The following SLC10A7 variants were observed in gnomAD, a reference collection of about 807,000 sequenced individuals.
The protein encoded by SLC10A7 is sodium/bile acid cotransporter 7.
SLC10A7 carries 29 observed loss-of-function variants against 43.2 expected under a neutral mutation model. That is an observed-to-expected ratio of 0.67 (90% CI 0.50 to 0.92). The LOEUF is 0.92. SLC10A7 is among the 40% of genes least tolerant of loss of function. The pLI, the probability that SLC10A7 is intolerant of heterozygous loss-of-function variation, is 0.00. For synonymous variants in SLC10A7, 152 were observed against 144.8 expected, an observed-to-expected ratio of 1.05 and a Z score of -0.35; for missense variants, 295 against 403.2, an observed-to-expected ratio of 0.73 and a Z score of 2.30.
intron 5 of SLC10A7, among the ~76,000 whole-genome samples, chr4:146,390,562 G>A (rs1279882219): frequency 6.6e-6 from 1 of 152,138 alleles, no homozygotes; most frequent in Non-Finnish European, 1.5e-5. Context: ...CCTTGGGCCA[G>A]CAGGTCAAGA....
At chr4:146,391,355 AAG>A (rs1738413764) in intron 5 of SLC10A7, among the ~76,000 whole-genome samples, 1 of 152,222 alleles carries the variant, frequency 6.6e-6, no homozygotes, top group Non-Finnish European at 1.5e-5. Context: ...TGTCTCTAAA[AAG>A]AGCAGTCTGA....
intron 8 of SLC10A7, 43 bp from the exon 9 acceptor site, chr4:146,293,023 A>T (rs748508836): frequency 3.1e-6 from 4 of 1,283,106 alleles, no homozygotes; most frequent in Non-Finnish European, 4.4e-6. Flanking sequence ...CTCTAAAAGC[A>T]GTATTTGTAG....
At chr4:146,357,994 A>T (rs1467025895) in intron 5 of SLC10A7, among the ~76,000 whole-genome samples, 1 of 151,842 alleles carries the variant, frequency 6.6e-6, no homozygotes, top group Non-Finnish European at 1.5e-5. Context: ...TTCTTAGAGG[A>T]TCATTGTTCA....
chr4:146,498,799 T>C (rs954750439), intron 4 of SLC10A7, among the ~76,000 whole-genome samples: 1 of 152,202 alleles, frequency 6.6e-6, no homozygotes, highest in Non-Finnish European at 1.5e-5. Context: ...ACTGAAACAA[T>C]AATAACCTAA....
chr4:146,472,845 G>A (rs930028304), intron 4 of SLC10A7, among the ~76,000 whole-genome samples: 4 of 152,136 alleles, frequency 2.6e-5, no homozygotes, highest in Non-Finnish European at 4.4e-5. Context: ...CGTTTCCAGA[G>A]GATTGACTTA....
At chr4:146,383,404 G>T (rs894190247) in intron 5 of SLC10A7, among the ~76,000 whole-genome samples, 1 of 152,102 alleles carries the variant, frequency 6.6e-6, no homozygotes. Flanking sequence ...TTTGTACAGG[G>T]TGTACACCGA....
At chr4:146,292,722 G>A (rs1730521674) in intron 9 of SLC10A7, among the ~76,000 whole-genome samples, 1 of 152,154 alleles carries the variant, frequency 6.6e-6, no homozygotes, top group African/African-American at 2.4e-5. Flanking sequence ...CACTCAATGT[G>A]GATAGACAAG....
At chr4:146,500,372 C>G (rs1302269782) in intron 4 of SLC10A7, among the ~76,000 whole-genome samples, 10 of 152,024 alleles carry the variant, frequency 6.6e-5, no homozygotes, top group Admixed American at 6.6e-4. Context: ...TACTACCTAC[C>G]TCATCATCAC....
At chr4:146,293,001 T>C in intron 8 of SLC10A7, 21 bp from the exon 9 acceptor site, 3 of 1,488,772 alleles carry the variant, frequency 2.0e-6, no homozygotes, top group Non-Finnish European at 1.9e-6. Context: ...AAAGATTGAA[T>C]CTAAATTAGC....
At chr4:146,397,109 T>C (rs1052700860) in intron 5 of SLC10A7, among the ~76,000 whole-genome samples, 2 of 152,176 alleles carry the variant, frequency 1.3e-5, no homozygotes, top group Non-Finnish European at 2.9e-5. Context: ...CTAAGTGGAA[T>C]TTCTATTCAA....
Position 146,507,417 on chromosome 4 carries a change from G to T in SLC10A7, c.320+2496C>A, listed in dbSNP as rs181329338. 4.5e-3 allele frequency among the ~76,000 whole-genome samples: 688 copies of T among 152,046 alleles called. 6 individuals carry two copies. The highest frequency in any genetic ancestry group is 7.2e-3 in the Admixed American group (110 of 15,260). The stretch of plus-strand genomic sequence containing the variant: ...TCTACTAAAAATACAAAAATTAGCC[G>T]GGCATGGTGGCGGGCACCTGTAATC... On this transcript the variant is annotated intron_variant, in intron 3 of 11. Coordinates refer to ENST00000335472, the MANE Select transcript of SLC10A7 (RefSeq NM_001029998.6).
intron 10 of SLC10A7, among the ~76,000 whole-genome samples, chr4:146,261,617 G>C (rs1220546459): frequency 6.6e-6 from 1 of 152,056 alleles, no homozygotes; most frequent in African/African-American, 2.4e-5. Context: ...AAAAAGAGAA[G>C]GGATCCACGA....
chr4:146,343,143 T>C (rs1051084024), intron 5 of SLC10A7, among the ~76,000 whole-genome samples: 23 of 152,068 alleles, frequency 1.5e-4, no homozygotes, highest in African/African-American at 5.3e-4. Flanking sequence ...TGAATAATTA[T>C]ACATCCTTGT....
At chr4:146,442,486 C>T (rs752458771) in intron 5 of SLC10A7, 275 of 1,138,890 alleles carry the variant, frequency 2.4e-4, no homozygotes, top group Non-Finnish European at 2.8e-4. Context: ...TAAAAGACCT[C>T]ATTAAATGAT....
chr4:146,309,559 C>G (rs1215775047), intron 6 of SLC10A7, among the ~76,000 whole-genome samples: 1 of 152,078 alleles, frequency 6.6e-6, no homozygotes, highest in African/African-American at 2.4e-5. Context: ...TTGAGAACCA[C>G]TAATCTAGTA....
intron 4 of SLC10A7, among the ~76,000 whole-genome samples, chr4:146,492,973 C>A (rs546316991): frequency 6.6e-6 from 1 of 152,224 alleles, no homozygotes; most frequent in African/African-American, 2.4e-5. Context: ...GCAGCTAAGT[C>A]TTCTGAGGTT....
intron 5 of SLC10A7, among the ~76,000 whole-genome samples, chr4:146,344,543 T>C (rs1027060963): frequency 7.9e-5 from 12 of 152,048 alleles, no homozygotes; most frequent in Non-Finnish European, 1.8e-4. Context: ...TTTCACGGTG[T>C]GGCCTGGGGA....
At chr4:146,409,048 C>T (rs1169128281) in intron 5 of SLC10A7, among the ~76,000 whole-genome samples, 1 of 151,976 alleles carries the variant, frequency 6.6e-6, no homozygotes, top group Non-Finnish European at 1.5e-5. Flanking sequence ...AATGGGGGAA[C>T]AAATATATTT....
chr4:146,416,114 G>A (rs889559839), intron 5 of SLC10A7, among the ~76,000 whole-genome samples: 2 of 152,152 alleles, frequency 1.3e-5, no homozygotes, highest in African/African-American at 2.4e-5. Context: ...CTGAAAGACT[G>A]AGTGAGAATG....
Sources: allele counts gnomAD v4.1 joint callset (sites outside exome capture counted in the v4.1 genomes callset), GRCh38; gene constraint gnomAD v4.1.1; transcripts MANE v1.5; gene names NCBI Gene and HGNC (gene_info 2026-07-23, HGNC 2026-07-21).